The following TOMM34 variants were observed in gnomAD, a reference collection of about 807,000 sequenced individuals.
TOMM34 encodes mitochondrial import receptor subunit TOM34.
In TOMM34, 24 loss-of-function variants were observed where a neutral mutation model predicts 37.4. That is an observed-to-expected ratio of 0.64 (90% CI 0.46 to 0.90). The LOEUF (loss-of-function observed/expected upper bound fraction) is 0.90. TOMM34 is among the 40% of genes least tolerant of loss of function. TOMM34 has a pLI of 0.00. For synonymous variants in TOMM34, 154 were observed against 148.9 expected (o/e 1.03, Z -0.25); for missense variants, 304 against 375.6 (o/e 0.81, Z 1.58).
intron 2 of TOMM34, among the ~76,000 whole-genome samples, chr20:44,955,949 T>C (rs1028848031): frequency 4.6e-5 from 7 of 152,238 alleles, no homozygotes; most frequent in African/African-American, 1.4e-4. Context: ...CCTCTAAAAC[T>C]GGTCATTCAT....
chr20:44,948,999 CCT>C (rs1280080883), intron 4 of TOMM34, 122 bp from the exon 5 acceptor site: 1 of 1,292,146 alleles, frequency 7.7e-7, no homozygotes, highest in Non-Finnish European at 1.0e-6. Flanking sequence ...GATTTCCTCC[CCT>C]GCTGTAAATC....
chr20:44,955,071 T>C lies in TOMM34; in HGVS notation c.377A>G (p.Asn126Ser). Residue 126 changes from asparagine to serine, a missense_variant, in exon 3 of 7, where the codon AAC becomes AGC. By Grantham distance (46) the Asn-to-Ser change is conservative. Transcript: ENST00000372813. ...ACCTGCTGGGAATGGAGCTCACCTGTTGATGCCTTCTACGGCTGACGTCAC... is the reference window on the plus strand; with the variant it reads ...ACCTGCTGGGAATGGAGCTCACCTGCTGATGCCTTCTACGGCTGACGTCAC... ...DNVTSAVEGI[N>S]RMTRALMDSL... 1 of 1,614,018 alleles carries C rather than the reference T, an allele frequency of 6.2e-7. No homozygotes were observed. The highest frequency in any genetic ancestry group is 8.5e-7 in the Non-Finnish European group (1 of 1,179,940).
chr20:44,944,705 A>C (rs930336345), intron 5 of TOMM34, among the ~76,000 whole-genome samples: 1 of 152,190 alleles, frequency 6.6e-6, no homozygotes, highest in African/African-American at 2.4e-5. Context: ...CAAAACAAAA[A>C]AAGAAATAAA....
chr20:44,953,561 A>G (rs530471889), intron 3 of TOMM34, among the ~76,000 whole-genome samples: 4 of 152,106 alleles, frequency 2.6e-5, no homozygotes, highest in Non-Finnish European at 5.9e-5. Flanking sequence ...ATGACCCTCA[A>G]ATCCTTATGT....
rs2145590639 is a variant in TOMM34, at chr20:44,942,683, T to G, written c.*426A>C. On this transcript the variant is annotated 3_prime_UTR_variant, in exon 7 of 7. Transcript: ENST00000372813. ...GATCAGGGCCTTAGGTTTATCCCCC[T>G]CCTTCCACCCCGGCCCAGGAGCTCA... 1 of 211,410 alleles carries G rather than the reference T, an allele frequency of 4.7e-6. No homozygotes were observed. Among genetic ancestry groups the G allele is most frequent in the Admixed American group, 5.3e-5 (1 of 18,884 alleles). The allele number at this position is 211,410 out of a possible 1,614,324, so 13.1% of individuals were successfully genotyped here. A position where few individuals can be genotyped will look rare whatever the true frequency, so the allele number is the denominator to read the frequency against.
intron 3 of TOMM34, among the ~76,000 whole-genome samples, chr20:44,953,004 C>G (rs770808889): frequency 9.2e-5 from 14 of 152,208 alleles, no homozygotes; most frequent in Admixed American, 6.5e-4. Flanking sequence ...CTTCCTATTT[C>G]TCTCCTGTCA....
At chr20:44,958,591 A>G (rs1283612171) in intron 1 of TOMM34, 1 of 221,252 alleles carries the variant, frequency 4.5e-6, no homozygotes, top group East Asian at 1.1e-4. Context: ...CTGTTCCCTG[A>G]GCTCTCTTCG....
At position 44,960,385 on chromosome 20, in the gene TOMM34, T is replaced by C. The variant is rs2067116285; in HGVS notation, c.-52A>G. On this transcript the variant is annotated 5_prime_UTR_variant, in exon 1 of 7. Coordinates refer to ENST00000372813, the MANE Select transcript of TOMM34 (RefSeq NM_006809.5). ...GCTCCTTCCTTCCTCCCCCGTGTGGTGCGGCACACCTTCCGGGCGCAAGCG... is the reference window on the plus strand; with the variant it reads ...GCTCCTTCCTTCCTCCCCCGTGTGGCGCGGCACACCTTCCGGGCGCAAGCG... The C allele has an allele frequency of 2.7e-6, 4 of 1,466,570 alleles. No homozygotes were observed. Among genetic ancestry groups the C allele is most frequent in the South Asian group, 2.8e-5 (2 of 72,504 alleles). 90.8% of individuals were successfully genotyped at this position (1,466,570 alleles called of 1,614,324 possible). A position where few individuals can be genotyped will look rare whatever the true frequency, so the allele number is the denominator to read the frequency against.
chr20:44,943,428 C>T (rs113073826), intron 6 of TOMM34, 25 bp downstream of exon 6: 1 of 1,613,992 alleles, frequency 6.2e-7, no homozygotes, highest in Admixed American at 1.7e-5. Flanking sequence ...TATGTTGGGA[C>T]CTTTTGGCCA....
chr20:44,952,881 C>A (rs975918022), intron 3 of TOMM34, among the ~76,000 whole-genome samples: 5 of 152,206 alleles, frequency 3.3e-5, no homozygotes, highest in Non-Finnish European at 7.3e-5. Context: ...TTCCTGGCGG[C>A]CAAGCTATTT....
At chr20:44,952,374 G>A (rs1435553274) in intron 3 of TOMM34, among the ~76,000 whole-genome samples, 1 of 151,976 alleles carries the variant, frequency 6.6e-6, no homozygotes, top group Non-Finnish European at 1.5e-5. Flanking sequence ...CCTGACATTT[G>A]TTTAATGCTC....
intron 1 of TOMM34, among the ~76,000 whole-genome samples, chr20:44,958,106 G>GTACATGTA (rs1252571235): frequency 5.0e-5 from 4 of 79,622 alleles, no homozygotes. Context: ...ATGTATATAT[G>GTACATGTA]TATACATGTA....
In TOMM34 at chr20:44,959,830, C is replaced by CA. The variant is rs1485412555; in HGVS notation, c.127+376dup. 6 of 729,560 alleles carry CA rather than the reference C, an allele frequency of 8.2e-6. No homozygotes were observed. The African/African-American group carries it at 1.2e-4, about 14-fold the overall frequency. The allele number at this position is 729,560 out of a possible 1,614,324, so 45.2% of individuals were successfully genotyped here. ...TTTACTTACTGACTCGCTTAAGACT[C>CA]ACGTCCTCCCCACCGCCCCCACAAG... On this transcript the variant is annotated intron_variant, in intron 1 of 6. Coordinates refer to ENST00000372813, the MANE Select transcript of TOMM34 (RefSeq NM_006809.5).
intron 5 of TOMM34, among the ~76,000 whole-genome samples, chr20:44,948,347 C>T (rs2066997967): frequency 6.6e-6 from 1 of 152,200 alleles, no homozygotes; most frequent in East Asian, 1.9e-4. Context: ...TACTCTCAGA[C>T]AGAAATGGTG....
Position 44,948,606 on chromosome 20 carries a change from T to C in TOMM34, c.698+124A>G, listed in dbSNP as rs2067000248. 4 of 1,213,870 alleles carry C rather than the reference T, an allele frequency of 3.3e-6. No individual in the cohort carries two copies. In the Middle Eastern group the frequency reaches 7.5e-4, roughly 227 times the overall value. The allele number at this position is 1,213,870 out of a possible 1,614,324, so 75.2% of individuals were successfully genotyped here. On this transcript the variant is annotated intron_variant, in intron 5 of 6. Coordinates refer to ENST00000372813, the MANE Select transcript of TOMM34 (RefSeq NM_006809.5). ...GGTCATGGCTAGCTCACAACGTGGATGCATGTTTTCAGCCATAACATACTT... is the reference window on the plus strand; with the variant it reads ...GGTCATGGCTAGCTCACAACGTGGACGCATGTTTTCAGCCATAACATACTT...
chr20:44,957,173 G>A (rs992920703), intron 1 of TOMM34, among the ~76,000 whole-genome samples: 9 of 152,164 alleles, frequency 5.9e-5, no homozygotes, highest in Non-Finnish European at 1.2e-4. Flanking sequence ...CTTCACTGTG[G>A]CCACCATGAT....
At chr20:44,959,404 ATTC>A (rs760702769) in intron 1 of TOMM34, among the ~76,000 whole-genome samples, 46 of 152,074 alleles carry the variant, frequency 3.0e-4, no homozygotes, top group Non-Finnish European at 6.8e-4. Context: ...AGAATATGCT[ATTC>A]TTCTGTTTCA....
chr20:44,956,545 G>A, intron 1 of TOMM34, 60 bp from the exon 2 acceptor site: 1 of 1,532,386 alleles, frequency 6.5e-7, no homozygotes, highest in Non-Finnish European at 9.0e-7. Context: ...AGGGCATTAG[G>A]ATACATTTCA....
intron 3 of TOMM34, among the ~76,000 whole-genome samples, chr20:44,952,374 G>GT (rs11484146): frequency 0.32 from 48,122 of 152,040 alleles, 8,676 homozygotes; most frequent in Admixed American, 0.48. Flanking sequence ...CCTGACATTT[G>GT]TTTAATGCTC....
Sources: allele counts gnomAD v4.1 joint callset (sites outside exome capture counted in the v4.1 genomes callset), GRCh38; gene constraint gnomAD v4.1.1; transcripts MANE v1.5; gene names NCBI Gene and HGNC (gene_info 2026-07-23, HGNC 2026-07-21).